Variants in PIK3CB observed in about 807,000 individuals in gnomAD.
The protein encoded by PIK3CB is phosphatidylinositol 4,5-bisphosphate 3-kinase catalytic subunit beta isoform.
A neutral mutation model predicts 136.8 loss-of-function variants in PIK3CB; 39 were observed. The observed-to-expected ratio is 0.29, with a 90% confidence interval of 0.22 to 0.37. The LOEUF (loss-of-function observed/expected upper bound fraction) is 0.37, where lower values mean the gene tolerates loss of function less well. Among genes scored for constraint, PIK3CB ranks in the 10% least tolerant of loss-of-function variants. The pLI, the probability that PIK3CB is intolerant of heterozygous loss-of-function variation, is 1.00. For missense variants in PIK3CB, 868 were observed against 1,275.4 expected (o/e 0.68, Z 4.87); for synonymous variants, 428 against 436.6 (o/e 0.98, Z 0.25).
At chr3:138,746,751 T>C (rs912941021) in intron 4 of PIK3CB, among the ~76,000 whole-genome samples, 5 of 151,814 alleles carry the variant, frequency 3.3e-5, no homozygotes, top group African/African-American at 1.2e-4. Flanking sequence ...TCTCCTGTAC[T>C]AGATCCTTCA....
chr3:138,790,766 A>G (rs2046039152), intron 2 of PIK3CB, among the ~76,000 whole-genome samples: 1 of 150,912 alleles, frequency 6.6e-6, no homozygotes, highest in African/African-American at 2.4e-5. Flanking sequence ...GTGAGCCAAG[A>G]TCGTGCCACT....
intron 1 of PIK3CB, among the ~76,000 whole-genome samples, chr3:138,810,891 G>A (rs954121682): frequency 6.6e-5 from 10 of 151,646 alleles, no homozygotes; most frequent in Admixed American, 2.0e-4. Context: ...CTGCACTCCA[G>A]CCTAGGCGAC....
At chr3:138,657,059 G>A (rs1305616077) in intron 22 of PIK3CB, among the ~76,000 whole-genome samples, 7 of 152,006 alleles carry the variant, frequency 4.6e-5, no homozygotes, top group Non-Finnish European at 7.4e-5. Flanking sequence ...GACCTACCGC[G>A]CCAGGCTGAG....
chr3:138,754,897 T>A (rs2045537007), intron 4 of PIK3CB, among the ~76,000 whole-genome samples: 1 of 152,196 alleles, frequency 6.6e-6, no homozygotes. Context: ...TAAAGTCCCC[T>A]CCTCAGTAAC....
chr3:138,823,021 A>C (rs1013681285), intron 1 of PIK3CB, among the ~76,000 whole-genome samples: 5 of 150,552 alleles, frequency 3.3e-5, no homozygotes, highest in Non-Finnish European at 7.4e-5. Flanking sequence ...CCTGGGTTCA[A>C]GCCGATATTT....
chr3:138,816,873 C>G (rs1289949173), intron 1 of PIK3CB, among the ~76,000 whole-genome samples: 1 of 152,054 alleles, frequency 6.6e-6, no homozygotes, highest in Non-Finnish European at 1.5e-5. Flanking sequence ...CCTTAGAGGT[C>G]CTATGTATTT....
intron 8 of PIK3CB, among the ~76,000 whole-genome samples, chr3:138,730,562 C>T (rs2044948990): frequency 6.6e-6 from 1 of 152,148 alleles, no homozygotes; most frequent in Non-Finnish European, 1.5e-5. Context: ...CTAAACAAAA[C>T]CATATATATA....
chr3:138,826,024 G>A, intron 1 of PIK3CB: 1 of 1,398,152 alleles, frequency 7.2e-7, no homozygotes. Flanking sequence ...CCACTGTACT[G>A]GATTGTCACA....
At chr3:138,735,553 T>C (rs1213081127) in intron 6 of PIK3CB, among the ~76,000 whole-genome samples, 11 of 152,192 alleles carry the variant, frequency 7.2e-5, no homozygotes, top group Admixed American at 6.5e-4. Context: ...ATCCCTGAGA[T>C]GGCCCCTTTC....
At chr3:138,685,420 A>AAAAGAAAGAAAG (rs1553722272) in intron 16 of PIK3CB, among the ~76,000 whole-genome samples, 43 of 86,974 alleles carry the variant, frequency 4.9e-4, no homozygotes, top group East Asian at 1.3e-3. Flanking sequence ...AAAAAAAAAA[A>AAAAGAAAGAAAG]AAAGAAAGAA....
chr3:138,697,128 G>A (rs1290745260), intron 13 of PIK3CB, among the ~76,000 whole-genome samples: 1 of 152,106 alleles, frequency 6.6e-6, no homozygotes, highest in African/African-American at 2.4e-5. Flanking sequence ...TTTCCATTGT[G>A]ATTCTAATGA....
At chr3:138,779,086 C>T (rs979747842) in intron 2 of PIK3CB, among the ~76,000 whole-genome samples, 1 of 100,874 alleles carries the variant, frequency 9.9e-6, no homozygotes, top group Non-Finnish European at 2.1e-5. Flanking sequence ...TATGTCATTT[C>T]TTTTTTTTTT....
intron 2 of PIK3CB, among the ~76,000 whole-genome samples, chr3:138,774,029 T>C (rs1466728485): frequency 1.3e-5 from 2 of 152,220 alleles, no homozygotes; most frequent in Non-Finnish European, 2.9e-5. Flanking sequence ...CATAGAGACC[T>C]TCTCTAGCCT....
chr3:138,830,021 A>G (rs1335263634), intron 1 of PIK3CB, among the ~76,000 whole-genome samples: 1 of 152,186 alleles, frequency 6.6e-6, no homozygotes, highest in African/African-American at 2.4e-5. Context: ...ACCACAGGAC[A>G]GGACAACATG....
intron 2 of PIK3CB, among the ~76,000 whole-genome samples, chr3:138,785,899 T>C (rs902766125): frequency 2.0e-5 from 3 of 151,124 alleles, no homozygotes; most frequent in African/African-American, 7.3e-5. Flanking sequence ...AAAGTTTTCA[T>C]AGTAACAAAA....
At chr3:138,760,218 C>T (rs899384446) in intron 2 of PIK3CB, among the ~76,000 whole-genome samples, 1 of 152,100 alleles carries the variant, frequency 6.6e-6, no homozygotes, top group Non-Finnish European at 1.5e-5. Flanking sequence ...CCACCGTGCC[C>T]AGCCAACAAG....
intron 2 of PIK3CB, among the ~76,000 whole-genome samples, chr3:138,779,905 T>TTAGAATTTTGGAGTTAATCTCC (rs1340502289): frequency 2.6e-5 from 4 of 152,168 alleles, no homozygotes; most frequent in Non-Finnish European, 5.9e-5. Flanking sequence ...AGTTAATCTC[T>TTAGAATTTTGGAGTTAATCTCC]AAAATTAGAA....
rs2045030427 is a variant in PIK3CB, at chr3:138,733,372, C to T, written c.1039G>A (p.Glu347Lys). Residue 347 changes from glutamate (E) to lysine (K), a missense_variant, in exon 8 of 24, where the codon GAA (glutamate) becomes AAA (lysine). Glu to Lys is a moderately conservative substitution (Grantham distance 56). Transcript: ENST00000674063. ...LVKGNKLNTE[E>K]TVKVHVRAGL... ...TAGTGGGTACTCACTTTTACAGTTTCCTCTGTGTTAAGTTTATTTCCCTTA... is the reference window on the plus strand; with the variant it reads ...TAGTGGGTACTCACTTTTACAGTTTTCTCTGTGTTAAGTTTATTTCCCTTA... 6.5e-7 allele frequency: 1 copy of T among 1,541,102 alleles called. No homozygotes were observed. Among genetic ancestry groups the T allele is most frequent in the African/African-American group, 1.4e-5 (1 of 73,470 alleles).
At chr3:138,664,073 C>T (rs1301595749) in intron 20 of PIK3CB, 44 bp from the exon 21 acceptor site, 1 of 1,605,680 alleles carries the variant, frequency 6.2e-7, no homozygotes, top group East Asian at 2.2e-5. Context: ...TTTTCAGCCT[C>T]CAAGCGTGTA....
Sources: allele counts gnomAD v4.1 joint callset (sites outside exome capture counted in the v4.1 genomes callset), GRCh38; gene constraint gnomAD v4.1.1; transcripts MANE v1.5; gene names NCBI Gene and HGNC (gene_info 2026-07-23, HGNC 2026-07-21).